The following HTR3B variants were observed in gnomAD, a reference collection of about 807,000 sequenced individuals.
The protein encoded by HTR3B is 5-hydroxytryptamine receptor 3B, also known as 5-hydroxytryptamine (serotonin) receptor 3B, ionotropic.
In HTR3B, 44 loss-of-function variants were observed where a neutral mutation model predicts 42.8. The observed-to-expected ratio is 1.03, with a 90% CI of 0.81 to 1.32. The LOEUF is 1.32. HTR3B is among the 40% of genes most tolerant of loss of function. HTR3B has a pLI of 0.00. For missense variants in HTR3B, 527 were observed against 536.5 expected (o/e 0.98, Z 0.17); for synonymous variants, 203 against 209.0 (o/e 0.97, Z 0.25).
In HTR3B at chr11:113,947,680, C is replaced by T. The variant is rs1051385506; in HGVS notation, c.*1543C>T. Reference sequence around the variant, plus strand: ...TTGGTTTAGGGTCCATCCTAGTGACCTCTTTTAACCTTAATCACTTTTTTC... The same window carrying T: ...TTGGTTTAGGGTCCATCCTAGTGACTTCTTTTAACCTTAATCACTTTTTTC... On this transcript the variant is annotated 3_prime_UTR_variant, in exon 9 of 9. Coordinates refer to ENST00000260191, the MANE Select transcript of HTR3B (RefSeq NM_006028.5). 6.6e-6 allele frequency among the ~76,000 whole-genome samples: 1 copy of T among 152,132 alleles called. No homozygotes were observed. Among genetic ancestry groups the T allele is most frequent in the Non-Finnish European group, 1.5e-5 (1 of 68,018 alleles).
intron 2 of HTR3B, among the ~76,000 whole-genome samples, chr11:113,929,097 T>G (rs1005220299): frequency 1.3e-5 from 2 of 152,192 alleles, no homozygotes; most frequent in Non-Finnish European, 2.9e-5. Context: ...CCATACTGTT[T>G]TCCACAGCAG....
intron 6 of HTR3B, among the ~76,000 whole-genome samples, chr11:113,940,270 T>G (rs910189649): frequency 6.6e-6 from 1 of 152,192 alleles, no homozygotes; most frequent in Non-Finnish European, 1.5e-5. Flanking sequence ...TTCCCCTTTG[T>G]ATAGTATCTG....
chr11:113,915,193 TG>T (rs200489812), intron 2 of HTR3B, among the ~76,000 whole-genome samples: 6 of 151,324 alleles, frequency 4.0e-5, no homozygotes, highest in South Asian at 2.1e-4. Context: ...GTAATTTTTT[TG>T]TTTGTTTGTT....
chr11:113,919,887 A>G (rs752167692), intron 2 of HTR3B, among the ~76,000 whole-genome samples: 1 of 151,674 alleles, frequency 6.6e-6, no homozygotes, highest in Non-Finnish European at 1.5e-5. Flanking sequence ...CAAGGTTTAA[A>G]TTTTTTTTCC....
intron 2 of HTR3B, among the ~76,000 whole-genome samples, chr11:113,922,168 G>A (rs1396271319): frequency 1.3e-5 from 2 of 152,042 alleles, no homozygotes; most frequent in Non-Finnish European, 2.9e-5. Context: ...CAAGGTAAGA[G>A]CACTTCCTTT....
At chr11:113,908,359 C>T (rs778252278) in intron 1 of HTR3B, among the ~76,000 whole-genome samples, 1 of 152,184 alleles carries the variant, frequency 6.6e-6, no homozygotes, top group Non-Finnish European at 1.5e-5. Context: ...ATCAAAATAA[C>T]CATCAAAACC....
chr11:113,944,869 T>A, intron 8 of HTR3B, 114 bp downstream of exon 8: 1 of 917,450 alleles, frequency 1.1e-6, no homozygotes, highest in South Asian at 2.2e-5. Flanking sequence ...CTACAACAAC[T>A]GCTTCTTAGC....
chr11:113,933,051 C>T lies in HTR3B; in HGVS notation c.654C>T (p.Ile218=). 1 of 1,614,162 alleles carries T rather than the reference C, an allele frequency of 6.2e-7. No homozygotes were observed. Among genetic ancestry groups the T allele is most frequent in the Non-Finnish European group, 8.5e-7 (1 of 1,180,016 alleles). The change falls in exon 6 of 9, where the codon ATC becomes ATT. Residue 218 remains isoleucine, a synonymous_variant. Coordinates refer to ENST00000260191, the MANE Select transcript of HTR3B (RefSeq NM_006028.5). The part of the protein sequence containing the change: ...ELLSVSSTYS[I]LQSSAGGFAQ... ...TATCTGTGTCCTCCACATACAGCAT[C>T]CTGCAGAGCAGCGCTGGAGGATTTG...
At chr11:113,940,552 A>AATGTGT (rs2137535030) in intron 6 of HTR3B, among the ~76,000 whole-genome samples, 1 of 152,312 alleles carries the variant, frequency 6.6e-6, no homozygotes, top group East Asian at 1.9e-4. Flanking sequence ...CTTTGGTAGA[A>AATGTGT]ATGTGTTTTA....
At chr11:113,941,839 G>A (rs1229098431) in intron 6 of HTR3B, among the ~76,000 whole-genome samples, 1 of 152,160 alleles carries the variant, frequency 6.6e-6, no homozygotes, top group Non-Finnish European at 1.5e-5. Context: ...CACCACTCCA[G>A]CCCTTGACTC....
chr11:113,932,204 G>T (rs45577231), intron 4 of HTR3B, 85 bp from the exon 5 acceptor site: 1 of 1,125,660 alleles, frequency 8.9e-7, no homozygotes, highest in South Asian at 1.4e-5. Context: ...TGGACCTCAT[G>T]GTCACTACCA....
chr11:113,903,564 G>A (rs895517564), upstream of HTR3B, among the ~76,000 whole-genome samples: 1 of 151,704 alleles, frequency 6.6e-6, no homozygotes, highest in Non-Finnish European at 1.5e-5. Flanking sequence ...GAGTAGCTGG[G>A]ATTACAGGCA....
intron 7 of HTR3B, among the ~76,000 whole-genome samples, chr11:113,944,051 T>A (rs957794169): frequency 6.7e-6 from 1 of 148,854 alleles, no homozygotes; most frequent in African/African-American, 2.5e-5. Context: ...GATGGAGTCT[T>A]GCTGTGTCTC....
chr11:113,916,383 A>G (rs1300138805), intron 2 of HTR3B, among the ~76,000 whole-genome samples: 2 of 152,050 alleles, frequency 1.3e-5, no homozygotes, highest in Non-Finnish European at 2.9e-5. Context: ...TTATTTCTTG[A>G]CTCTGTTCTA....
At position 113,945,951 on chromosome 11, in the gene HTR3B, A is replaced by C; in HGVS notation, c.1140A>C (p.Glu380Asp). 6.2e-7 allele frequency: 1 copy of C among 1,614,196 alleles called. No individual in the cohort carries two copies. Among genetic ancestry groups the C allele is most frequent in the Non-Finnish European group, 8.5e-7 (1 of 1,180,026 alleles). The change falls in exon 9 of 9, where the codon GAA (glutamate) becomes GAC (aspartate). Residue 380 changes from glutamate (E) to aspartate (D), a missense_variant. Transcript: ENST00000260191. ...EHLAQPGTLKEVWSQLQSISN... is the reference protein window; with the variant it reads ...EHLAQPGTLKDVWSQLQSISN... ...TGGCCCAGCCAGGAACCCTGAAGGA[A>C]GTCTGGTCGCAGCTTCAATCTATCA... is the stretch of plus-strand genomic sequence containing the variant.
intron 2 of HTR3B, among the ~76,000 whole-genome samples, chr11:113,919,719 T>G (rs1278641810): frequency 6.6e-6 from 1 of 151,786 alleles, no homozygotes; most frequent in Non-Finnish European, 1.5e-5. Context: ...TCCCAGCTAC[T>G]TGGGAGACCG....
At chr11:113,936,774 T>C (rs2137530171) in intron 6 of HTR3B, among the ~76,000 whole-genome samples, 1 of 152,244 alleles carries the variant, frequency 6.6e-6, no homozygotes, top group African/African-American at 2.4e-5. Context: ...GGTTCTTCTG[T>C]ATGAAGCGGA....
chr11:113,946,242 T>C lies in HTR3B; in HGVS notation c.*105T>C. On this transcript the variant is annotated 3_prime_UTR_variant, in exon 9 of 9. Transcript: ENST00000260191. ...TGGGTCGGGTGTGGTGGTTCTTGCCTATAGTCCCAGTGCTTTGGGAGGCCA... is the reference window on the plus strand; with the variant it reads ...TGGGTCGGGTGTGGTGGTTCTTGCCCATAGTCCCAGTGCTTTGGGAGGCCA... 1.2e-6 allele frequency: 1 copy of C among 863,754 alleles called. No homozygotes were observed. Among genetic ancestry groups the C allele is most frequent in the Non-Finnish European group, 1.8e-6 (1 of 543,074 alleles). The allele number at this position is 863,754 out of a possible 1,614,324, so 53.5% of individuals were successfully genotyped here.
At chr11:113,920,848 T>G (rs1315871481) in intron 2 of HTR3B, among the ~76,000 whole-genome samples, 1 of 152,204 alleles carries the variant, frequency 6.6e-6, no homozygotes, top group African/African-American at 2.4e-5. Context: ...AGTCTCACTC[T>G]GTCGCCCAGT....
Sources: allele counts gnomAD v4.1 joint callset (sites outside exome capture counted in the v4.1 genomes callset), GRCh38; gene constraint gnomAD v4.1.1; transcripts MANE v1.5; gene names NCBI Gene and HGNC (gene_info 2026-07-23, HGNC 2026-07-21).